The following EIF3H variants were observed in gnomAD, a reference collection of about 807,000 sequenced individuals.
EIF3H encodes the protein eIF-3-gamma.
In EIF3H, 26 loss-of-function variants were observed where a neutral mutation model predicts 44.2. The observed-to-expected ratio is 0.59, with a 90% confidence interval of 0.43 to 0.82. The LOEUF is 0.82. EIF3H is among the 40% of genes least tolerant of loss of function. EIF3H has a pLI of 0.00. For missense variants in EIF3H, 359 were observed against 432.8 expected, an observed-to-expected ratio of 0.83 and a Z score of 1.51; for synonymous variants, 166 against 151.9, an observed-to-expected ratio of 1.09 and a Z score of -0.68.
At chr8:116,661,258 A>C (rs1450425866) in intron 2 of EIF3H, among the ~76,000 whole-genome samples, 1 of 152,250 alleles carries the variant, frequency 6.6e-6, no homozygotes, top group African/African-American at 2.4e-5. Flanking sequence ...ATTTATTTTA[A>C]AGGGAAAGGG....
chr8:116,666,273 A>G (rs185725804), intron 2 of EIF3H, among the ~76,000 whole-genome samples: 5 of 152,278 alleles, frequency 3.3e-5, no homozygotes, highest in Admixed American at 2.0e-4. Flanking sequence ...GAATGGGAAT[A>G]GGGTGGGGGC....
intron 2 of EIF3H, among the ~76,000 whole-genome samples, chr8:116,725,315 A>G (rs1180631891): frequency 6.6e-6 from 1 of 152,228 alleles, no homozygotes; most frequent in Non-Finnish European, 1.5e-5. Flanking sequence ...ACAGAGTTTG[A>G]GCTTTGCAAG....
At chr8:116,683,066 G>A (rs1814016908) in intron 2 of EIF3H, among the ~76,000 whole-genome samples, 1 of 152,104 alleles carries the variant, frequency 6.6e-6, no homozygotes, top group African/African-American at 2.4e-5. Flanking sequence ...CTTCTATCAG[G>A]AATAAAGGCA....
chr8:116,700,682 G>C (rs1230864222), intron 2 of EIF3H, among the ~76,000 whole-genome samples: 1 of 152,216 alleles, frequency 6.6e-6, no homozygotes, highest in Non-Finnish European at 1.5e-5. Context: ...TATATAGTTT[G>C]ATCAGGGAGG....
In EIF3H at chr8:116,755,453, C is replaced by T. The variant is rs192321539; in HGVS notation, c.132+213G>A. Among the ~76,000 whole-genome samples, 20 of 152,330 alleles carry T rather than the reference C, an allele frequency of 1.3e-4. No individual in the cohort carries two copies. The East Asian group carries it at 3.9e-3, about 29-fold the overall frequency. ...TCACTCACACCCCTATTCTCAGTCC[C>T]CTTCCTGAAGCCCCAACTGTCCCGT... On this transcript the variant is annotated intron_variant, in intron 1 of 7. Transcript: ENST00000521861.
At chr8:116,661,710 G>T (rs912490713) in intron 2 of EIF3H, among the ~76,000 whole-genome samples, 5 of 152,178 alleles carry the variant, frequency 3.3e-5, no homozygotes, top group Admixed American at 3.3e-4. Context: ...TCCTCAAATA[G>T]CCTGAATACA....
At chr8:116,755,932 C>G (rs770770165), upstream of EIF3H, 4 of 1,538,828 alleles carry the variant, frequency 2.6e-6, no homozygotes, top group Non-Finnish European at 3.5e-6. Context: ...CCCCGCCTCC[C>G]TCCTGTTTTC....
At chr8:116,742,248 G>C (rs1429311023) in intron 1 of EIF3H, among the ~76,000 whole-genome samples, 1 of 152,130 alleles carries the variant, frequency 6.6e-6, no homozygotes, top group Admixed American at 6.5e-5. Context: ...CATTTTTAAA[G>C]TTAAATCAAC....
At chr8:116,669,838 T>C (rs1813725621) in intron 2 of EIF3H, among the ~76,000 whole-genome samples, 1 of 151,766 alleles carries the variant, frequency 6.6e-6, no homozygotes, top group Non-Finnish European at 1.5e-5. Context: ...ACCAGAAAAA[T>C]AGAAGTTTTT....
chr8:116,677,790 TTA>T (rs1255264314), intron 2 of EIF3H, among the ~76,000 whole-genome samples: 1 of 152,222 alleles, frequency 6.6e-6, no homozygotes, highest in Non-Finnish European at 1.5e-5. Context: ...CATAAAATGT[TTA>T]TGTCCTGTGA....
At chr8:116,691,804 G>A (rs748823209) in intron 2 of EIF3H, among the ~76,000 whole-genome samples, 3 of 151,454 alleles carry the variant, frequency 2.0e-5, no homozygotes, top group Admixed American at 6.6e-5. Context: ...CCCAGGAGGC[G>A]GAGGATGCAG....
chr8:116,708,314 ATTT>A (rs1441173880), intron 2 of EIF3H, among the ~76,000 whole-genome samples: 1 of 151,998 alleles, frequency 6.6e-6, no homozygotes, highest in African/African-American at 2.4e-5. Flanking sequence ...TATTATTATT[ATTT>A]ATTATTACTA....
Position 116,739,292 on chromosome 8 carries a change from G to A in EIF3H, c.133-13120C>T, listed in dbSNP as rs576115571. 4.6e-5 allele frequency among the ~76,000 whole-genome samples: 7 copies of A among 152,294 alleles called. No individual in the cohort carries two copies. The East Asian group carries it at 5.8e-4, about 13-fold the overall frequency. On this transcript the variant is annotated intron_variant, in intron 1 of 7. Coordinates refer to ENST00000521861, the MANE Select transcript of EIF3H (RefSeq NM_003756.3). ...ATTTAGGCCCATCCCTTTATTTCCCGTAAGGAATACTTTCAGTTAATCTAT... is the reference window on the plus strand; with the variant it reads ...ATTTAGGCCCATCCCTTTATTTCCCATAAGGAATACTTTCAGTTAATCTAT...
At chr8:116,680,832 AT>A (rs757373133) in intron 2 of EIF3H, among the ~76,000 whole-genome samples, 753 of 60,666 alleles carry the variant, frequency 0.012, 1 homozygote, top group Non-Finnish European at 0.021. Context: ...ATAAAAAAAA[AT>A]AATAATAAAT....
chr8:116,714,321 A>T (rs371702189), intron 2 of EIF3H, among the ~76,000 whole-genome samples: 2 of 152,058 alleles, frequency 1.3e-5, no homozygotes, highest in East Asian at 3.8e-4. Context: ...TCATCCCCGA[A>T]AGGAATTAGT....
chr8:116,717,869 T>C (rs1471511807), intron 2 of EIF3H, among the ~76,000 whole-genome samples: 4 of 151,820 alleles, frequency 2.6e-5, no homozygotes, highest in Non-Finnish European at 5.9e-5. Context: ...CAAAAGAAAA[T>C]GCAACAAAAC....
intron 1 of EIF3H, among the ~76,000 whole-genome samples, chr8:116,743,718 A>C (rs1422669918): frequency 1.3e-5 from 2 of 149,224 alleles, no homozygotes; most frequent in African/African-American, 4.9e-5. Context: ...AGATCGCACC[A>C]CTGCACTCCA....
chr8:116,716,057 C>T (rs4145242), intron 2 of EIF3H, among the ~76,000 whole-genome samples: 114,072 of 151,962 alleles, frequency 0.75, 43,584 homozygotes, highest in African/African-American at 0.8. Context: ...AGACAAGCAA[C>T]AGAAAACTTA....
At position 116,642,419 on chromosome 8, in the gene EIF3H, T is replaced by C. The variant is rs1346106178; in HGVS notation, c.*2587A>G. On this transcript the variant is annotated 3_prime_UTR_variant, in exon 8 of 8. Transcript: ENST00000521861. ...ATCTCAATTTCCAAGCTTCCAAAAA[T>C]AGGTAAAAAAATTATTTTAGTTTAA... 6.6e-6 allele frequency: 1 copy of C among 152,084 alleles called. No homozygotes were observed. The highest frequency in any genetic ancestry group is 2.4e-5 in the African/African-American group (1 of 41,382). 9.4% of individuals were successfully genotyped at this position (152,084 alleles called of 1,614,324 possible). A position where few individuals can be genotyped will look rare whatever the true frequency, so the allele number is the denominator to read the frequency against.
Sources: allele counts gnomAD v4.1 joint callset (sites outside exome capture counted in the v4.1 genomes callset), GRCh38; gene constraint gnomAD v4.1.1; transcripts MANE v1.5; gene names NCBI Gene and HGNC (gene_info 2026-07-23, HGNC 2026-07-21).